The following CNTN5 variants were observed in gnomAD, a reference collection of about 807,000 sequenced individuals.
CNTN5 encodes contactin-5.
A neutral mutation model predicts 129.1 loss-of-function variants in CNTN5; 77 were observed. The observed-to-expected ratio is 0.60, with a 90% CI of 0.50 to 0.72. The LOEUF (loss-of-function observed/expected upper bound fraction) is 0.72, where lower values mean the gene tolerates loss of function less well. Among genes scored for constraint, CNTN5 ranks in the 30% least tolerant of loss-of-function variants. The probability of loss-of-function intolerance (pLI) is 0.00; values close to 1 mark genes in which losing one functional copy is unlikely to be tolerated. For missense variants in CNTN5, 1,478 were observed against 1,328.8 expected (o/e 1.11, Z -1.75); for synonymous variants, 509 against 465.6 (o/e 1.09, Z -1.20).
At chr11:99,490,442 C>T (rs996241925) in intron 2 of CNTN5, among the ~76,000 whole-genome samples, 3 of 152,108 alleles carry the variant, frequency 2.0e-5, no homozygotes, top group Admixed American at 6.6e-5. Flanking sequence ...GTGGAGAATA[C>T]CAGTGTCTCA....
chr11:99,479,979 T>G (rs2135308044), intron 2 of CNTN5, among the ~76,000 whole-genome samples: 1 of 149,942 alleles, frequency 6.7e-6, no homozygotes, highest in South Asian at 2.1e-4. Context: ...GAAAAAAAGC[T>G]AAACCCTTTA....
intron 13 of CNTN5, among the ~76,000 whole-genome samples, chr11:100,075,850 C>T (rs540415922): frequency 2.1e-4 from 32 of 152,190 alleles, no homozygotes; most frequent in South Asian, 8.3e-4. Flanking sequence ...GAGTTTGAAA[C>T]GGACAGATGG....
chr11:99,619,753 G>A (rs910073009), intron 3 of CNTN5, among the ~76,000 whole-genome samples: 22 of 152,030 alleles, frequency 1.4e-4, no homozygotes, highest in African/African-American at 3.9e-4. Flanking sequence ...GCTGTCGGGC[G>A]TGGTGGCTCA....
intron 18 of CNTN5, among the ~76,000 whole-genome samples, chr11:100,277,654 A>G (rs1391515811): frequency 2.6e-5 from 4 of 151,872 alleles, no homozygotes; most frequent in Non-Finnish European, 5.9e-5. Flanking sequence ...TGCCCATTTT[A>G]TGAATTGGGT....
rs377694828 is a variant in CNTN5 at position 100,279,340 on chromosome 11, T to C, written c.2314+8099T>C. ...TGGCCTCATAGAATGAATTTGGAAG[T>C]GTTCCCTCCTTCTCTATTTTTTGAA... On this transcript the variant is annotated intron_variant, in intron 18 of 24. Coordinates refer to ENST00000524871, the MANE Select transcript of CNTN5 (RefSeq NM_014361.4). Among the ~76,000 whole-genome samples, 25 of 151,992 alleles carry C rather than the reference T, an allele frequency of 1.6e-4. 1 individual carries two copies. In the East Asian group the frequency reaches 4.6e-3, roughly 28 times the overall value.
chr11:100,161,830 T>TACACATACACACACAC (rs59930760), intron 13 of CNTN5, among the ~76,000 whole-genome samples: 1,377 of 125,846 alleles, frequency 0.011, 50 homozygotes, highest in African/African-American at 0.041. Flanking sequence ...TGGAGCTTCC[T>TACACATACACACACAC]ACACACACAC....
intron 10 of CNTN5, among the ~76,000 whole-genome samples, chr11:100,062,564 A>C (rs1473104637): frequency 6.6e-6 from 1 of 152,170 alleles, no homozygotes; most frequent in African/African-American, 2.4e-5. Context: ...AGCAAACTCC[A>C]CATTAGAGTG....
At position 99,684,590 on chromosome 11, in the gene CNTN5, C is replaced by A. The variant is rs73551490; in HGVS notation, c.55+128321C>A. Among the ~76,000 whole-genome samples the A allele has an allele frequency of 2.5e-3, 385 of 151,892 alleles. 6 individuals are homozygous for A. Among genetic ancestry groups the A allele is most frequent in the African/African-American group, 8.9e-3 (369 of 41,490 alleles). On this transcript the variant is annotated intron_variant, in intron 3 of 24. Coordinates refer to ENST00000524871, the MANE Select transcript of CNTN5 (RefSeq NM_014361.4). ...CTTTGTTAATGTTAGTTCTTGGTTT[C>A]TTTTCACACACCTTTTATAAGATTG...
chr11:99,135,234 A>T (rs6589906), intron 1 of CNTN5, among the ~76,000 whole-genome samples: 138,378 of 152,224 alleles, frequency 0.91, 63,151 homozygotes, highest in East Asian at 0.99. Context: ...AATACATATA[A>T]AAATAAAGTC....
intron 1 of CNTN5, among the ~76,000 whole-genome samples, chr11:99,251,476 C>CT (rs374258202): frequency 3.3e-5 from 5 of 150,020 alleles, no homozygotes; most frequent in Admixed American, 6.7e-5. Flanking sequence ...TCTTCCATAT[C>CT]TTTTTTTTTA....
At chr11:99,090,512 A>G (rs1465683894) in intron 1 of CNTN5, among the ~76,000 whole-genome samples, 1 of 152,258 alleles carries the variant, frequency 6.6e-6, no homozygotes, top group South Asian at 2.1e-4. Context: ...TGCTTATCAG[A>G]TCATGTGATA....
At chr11:100,163,139 C>CAA (rs150623974) in intron 13 of CNTN5, among the ~76,000 whole-genome samples, 1 of 151,528 alleles carries the variant, frequency 6.6e-6, no homozygotes, top group African/African-American at 2.4e-5. Flanking sequence ...AAATTAAAAA[C>CAA]AAAAAAATTG....
Position 99,348,230 on chromosome 11 carries a change from T to C in CNTN5, c.-71+22746T>C, listed in dbSNP as rs1158087851. On this transcript the variant is annotated intron_variant, in intron 2 of 24. Transcript: ENST00000524871. ...GGCAGGCGCCTGTAGTTCCAGCTAC[T>C]TGGGAGGCTGAGGCAGGAGAATGGC... is the stretch of plus-strand genomic sequence containing the variant. 2.0e-5 allele frequency among the ~76,000 whole-genome samples: 3 copies of C among 152,102 alleles called. No homozygotes were observed. The East Asian group carries it at 5.8e-4, about 29-fold the overall frequency.
intron 8 of CNTN5, among the ~76,000 whole-genome samples, chr11:99,971,376 C>G (rs1429108174): frequency 1.3e-5 from 2 of 151,900 alleles, no homozygotes; most frequent in Non-Finnish European, 2.9e-5. Context: ...AACCCCATCT[C>G]TACTAAAAAT....
chr11:99,564,875 A>T (rs2135559808), intron 3 of CNTN5, among the ~76,000 whole-genome samples: 1 of 152,290 alleles, frequency 6.6e-6, no homozygotes, highest in African/African-American at 2.4e-5. Context: ...TCCATGTTTA[A>T]ACAAACTCAA....
At chr11:100,292,885 C>A (rs1340278825) in intron 18 of CNTN5, among the ~76,000 whole-genome samples, 2 of 152,026 alleles carry the variant, frequency 1.3e-5, no homozygotes, top group African/African-American at 2.4e-5. Context: ...CGTTTAATGT[C>A]CTCTTACAAT....
chr11:100,157,209 T>TAAAC (rs1565297049), intron 13 of CNTN5, among the ~76,000 whole-genome samples: 1 of 151,894 alleles, frequency 6.6e-6, no homozygotes, highest in African/African-American at 2.4e-5. Context: ...TAATGAAGTA[T>TAAAC]AAACATTGAA....
intron 6 of CNTN5, among the ~76,000 whole-genome samples, chr11:99,911,384 C>A (rs533610255): frequency 6.6e-6 from 1 of 151,996 alleles, no homozygotes; most frequent in African/African-American, 2.4e-5. Flanking sequence ...CTCCTATAAG[C>A]TCAACATTGC....
chr11:99,964,677 A>G (rs1410140177), intron 8 of CNTN5, among the ~76,000 whole-genome samples: 2 of 152,178 alleles, frequency 1.3e-5, no homozygotes, highest in Admixed American at 6.5e-5. Context: ...GCCTCATAAA[A>G]TGAGTTAGGG....
Sources: allele counts gnomAD v4.1 joint callset (sites outside exome capture counted in the v4.1 genomes callset), GRCh38; gene constraint gnomAD v4.1.1; transcripts MANE v1.5; gene names NCBI Gene and HGNC (gene_info 2026-07-23, HGNC 2026-07-21).